Variants in IL3RA observed in about 807,000 individuals in gnomAD.
The protein encoded by IL3RA is interleukin-3 receptor subunit alpha.
IL3RA carries 73 observed loss-of-function variants against 52.3 expected under a neutral mutation model. The ratio of observed to expected loss-of-function variants is 1.40; its 90% CI spans 1.16 to 1.70. IL3RA has a LOEUF of 1.70. Among genes scored for constraint, IL3RA ranks in the 40% most tolerant of loss-of-function variants. The pLI, the probability that IL3RA is intolerant of heterozygous loss-of-function variation, is 0.00. For missense variants in IL3RA, 664 were observed against 504.4 expected (o/e 1.32, Z -3.03); for synonymous variants, 260 against 194.0 (o/e 1.34, Z -2.83).
chrX:1,361,771 A>C (rs2087409845), intron 8 of IL3RA, among the ~76,000 whole-genome samples: 1 of 151,460 alleles, frequency 6.6e-6, no homozygotes, highest in South Asian at 2.1e-4. Context: ...AAAAAAAAAA[A>C]AAAAAATGAG....
chrX:1,355,623 C>T (rs2086650656), intron 6 of IL3RA, among the ~76,000 whole-genome samples: 1 of 148,734 alleles, frequency 6.7e-6, no homozygotes. Context: ...ATGTCCTGGG[C>T]CACTGGGAGA....
chrX:1,381,642 TCAAG>T (rs2089182419), intron 11 of IL3RA, among the ~76,000 whole-genome samples: 1 of 151,546 alleles, frequency 6.6e-6, no homozygotes, highest in Admixed American at 6.6e-5. Flanking sequence ...AGTCCAAGGT[TCAAG>T]CGATTGTCCT....
chrX:1,345,226 C>G (rs150891983), intron 2 of IL3RA, 90 bp from the exon 3 acceptor site: 30,542 of 748,240 alleles, frequency 0.041, 946 homozygotes, highest in Non-Finnish European at 0.054. Context: ...TTGGCTAACT[C>G]CACGGGCAAA....
intron 8 of IL3RA, among the ~76,000 whole-genome samples, chrX:1,362,759 C>T (rs1260718539): frequency 2.1e-5 from 3 of 146,032 alleles, no homozygotes; most frequent in East Asian, 2.0e-4. Flanking sequence ...CCTCTGCATC[C>T]GTGTCTCCTT....
chrX:1,368,601 T>C (rs1343804879), intron 9 of IL3RA, among the ~76,000 whole-genome samples: 1 of 151,994 alleles, frequency 6.6e-6, no homozygotes, highest in Non-Finnish European at 1.5e-5. Flanking sequence ...AAGAGGCGAT[T>C]AAGGTAAAAT....
At chrX:1,358,969 AATATTAATAATTCTTATTAAT>A (rs2086947206) in intron 8 of IL3RA, 82 bp downstream of exon 8, 1 of 935,124 alleles carries the variant, frequency 1.1e-6, no homozygotes, top group South Asian at 3.2e-5. Context: ...AATGATAAAA[AATATTAATAATTCTTATTAAT>A]AAAATAATGA....
chrX:1,359,451 ATC>A (rs2086994138), intron 8 of IL3RA, among the ~76,000 whole-genome samples: 1 of 150,472 alleles, frequency 6.6e-6, no homozygotes, highest in South Asian at 2.1e-4. Flanking sequence ...CTGTCTCTGA[ATC>A]TCTCTGCCTT....
chrX:1,356,613 C>T (rs2086739053), intron 7 of IL3RA, among the ~76,000 whole-genome samples: 1 of 151,740 alleles, frequency 6.6e-6, no homozygotes, highest in Non-Finnish European at 1.5e-5. Flanking sequence ...ACTAAAAATA[C>T]GAAAAAAAAT....
chrX:1,349,644 T>C (rs2085990592), intron 4 of IL3RA, among the ~76,000 whole-genome samples: 2 of 150,842 alleles, frequency 1.3e-5, no homozygotes, highest in South Asian at 4.2e-4. Context: ...TAGAAGTCCA[T>C]GGTTTATTTT....
At chrX:1,359,242 A>C (rs2086979394) in intron 8 of IL3RA, among the ~76,000 whole-genome samples, 1 of 151,958 alleles carries the variant, frequency 6.6e-6, no homozygotes, top group Non-Finnish European at 1.5e-5. Context: ...ACCCTGGGCC[A>C]GGCAGCCCCA....
At chrX:1,377,280 C>T (rs1453227601) in intron 9 of IL3RA, among the ~76,000 whole-genome samples, 2 of 151,998 alleles carry the variant, frequency 1.3e-5, no homozygotes, top group African/African-American at 4.8e-5. Context: ...CTCACTCTGT[C>T]GCCAGGCTGG....
chrX:1,368,720 G>C (rs1472861145), intron 9 of IL3RA, among the ~76,000 whole-genome samples: 2 of 151,050 alleles, frequency 1.3e-5, no homozygotes, highest in Non-Finnish European at 2.9e-5. Flanking sequence ...ACAGGGAGAA[G>C]ACGGCGTCTC....
At chrX:1,351,163 C>T (rs1569521102) in intron 4 of IL3RA, among the ~76,000 whole-genome samples, 1 of 150,866 alleles carries the variant, frequency 6.6e-6, no homozygotes, top group African/African-American at 2.4e-5. Context: ...GCCGAGATGG[C>T]GCCATTGTAC....
At chrX:1,368,253 G>C (rs2088328277) in intron 9 of IL3RA, among the ~76,000 whole-genome samples, 1 of 151,938 alleles carries the variant, frequency 6.6e-6, no homozygotes, top group Admixed American at 6.6e-5. Flanking sequence ...ACAAGAGCGA[G>C]ACTCCATCTC....
At chrX:1,348,401 G>C in intron 3 of IL3RA, 30 bp from the exon 4 acceptor site, 2 of 1,506,422 alleles carry the variant, frequency 1.3e-6, no homozygotes, top group Non-Finnish European at 1.8e-6. Flanking sequence ...TGGTCTGTCA[G>C]CAGCCATCAT....
intron 4 of IL3RA, 135 bp downstream of exon 4, chrX:1,348,680 TTCTTTC>T (rs1556619117): frequency 2.5e-5 from 10 of 398,134 alleles, no homozygotes; most frequent in East Asian, 2.5e-4. Context: ...CTTTCTTTCT[TTCTTTC>T]TTTCTTTTTC....
chrX:1,357,344 C>CTGTTTGTTTGTT (rs112765040), intron 7 of IL3RA, among the ~76,000 whole-genome samples: 1 of 151,442 alleles, frequency 6.6e-6, no homozygotes, highest in Non-Finnish European at 1.5e-5. Flanking sequence ...GTCACCCAAG[C>CTGTTTGTTTGTT]TGTTTGTTTG....
chrX:1,355,592 G>T (rs2086647865), intron 6 of IL3RA, among the ~76,000 whole-genome samples: 1 of 151,096 alleles, frequency 6.6e-6, no homozygotes, highest in African/African-American at 2.4e-5. Context: ...GGAAGTGCCT[G>T]GGGTTCCCGG....
chrX:1,362,128 A>C (rs768927914), intron 8 of IL3RA, among the ~76,000 whole-genome samples: 244 of 109,576 alleles, frequency 2.2e-3, no homozygotes, highest in African/African-American at 5.4e-3. Context: ...TTGTCTCTCT[A>C]TGTCTCTCTG....
Sources: gnomAD v4.1 joint callset for allele counts (sites outside exome capture counted in the v4.1 genomes callset) on GRCh38, gnomAD v4.1.1 for gene constraint, MANE v1.5 for transcripts, NCBI Gene and HGNC (gene_info 2026-07-23, HGNC 2026-07-21) for gene names.